The following CNTN4 variants were observed in gnomAD, a reference collection of about 807,000 sequenced individuals.
CNTN4 encodes contactin 4.
In CNTN4, 77 loss-of-function variants were observed where a neutral mutation model predicts 122.5. The observed-to-expected ratio is 0.63, with a 90% CI of 0.52 to 0.76. The LOEUF (loss-of-function observed/expected upper bound fraction) is 0.76, where lower values mean the gene tolerates loss of function less well. Ranked by LOEUF, CNTN4 falls within the 30% of genes least tolerant of loss-of-function variation. CNTN4 has a pLI of 0.00. For missense variants in CNTN4, 1,256 were observed against 1,259.1 expected, an observed-to-expected ratio of 1.00 and a Z score of 0.04; for synonymous variants, 512 against 447.0, an observed-to-expected ratio of 1.15 and a Z score of -1.83.
chr3:2,167,101 A>G (rs182523221), intron 2 of CNTN4, among the ~76,000 whole-genome samples: 8 of 152,332 alleles, frequency 5.3e-5, no homozygotes, highest in Admixed American at 1.3e-4. Flanking sequence ...TTACAATTAA[A>G]GTAGGTAAAT....
intron 3 of CNTN4, among the ~76,000 whole-genome samples, chr3:2,373,819 A>G (rs1266221184): frequency 6.6e-6 from 1 of 152,226 alleles, no homozygotes; most frequent in African/African-American, 2.4e-5. Flanking sequence ...TTTAAAGGTC[A>G]ACCTAATTAA....
intron 3 of CNTN4, among the ~76,000 whole-genome samples, chr3:2,381,297 C>T (rs1414181292): frequency 1.3e-5 from 2 of 152,172 alleles, no homozygotes; most frequent in Non-Finnish European, 2.9e-5. Context: ...TGAGCCACTG[C>T]GCCTGGCCTT....
At chr3:2,661,338 C>T (rs9838109) in intron 4 of CNTN4, among the ~76,000 whole-genome samples, 18,443 of 151,950 alleles carry the variant, frequency 0.12, 1,291 homozygotes, top group South Asian at 0.17. Context: ...TTAAGTTGAC[C>T]CTGTGATTTA....
chr3:2,169,047 T>C (rs1166443467), intron 2 of CNTN4, among the ~76,000 whole-genome samples: 1 of 152,142 alleles, frequency 6.6e-6, no homozygotes, highest in Non-Finnish European at 1.5e-5. Context: ...CTAAAAGTAA[T>C]AGGGAACACT....
chr3:2,908,789 A>G (rs1254626550), intron 12 of CNTN4, among the ~76,000 whole-genome samples: 1 of 152,180 alleles, frequency 6.6e-6, no homozygotes, highest in Non-Finnish European at 1.5e-5. Flanking sequence ...GTATCTGCCC[A>G]GTGGTCTTTT....
chr3:2,756,180 T>C (rs2090329446), intron 6 of CNTN4, among the ~76,000 whole-genome samples: 1 of 152,254 alleles, frequency 6.6e-6, no homozygotes. Flanking sequence ...TGACTAACTA[T>C]AGTGATTTGA....
intron 6 of CNTN4, among the ~76,000 whole-genome samples, chr3:2,786,815 A>G (rs953151257): frequency 2.0e-5 from 3 of 152,198 alleles, no homozygotes; most frequent in Admixed American, 6.5e-5. Flanking sequence ...ATTGAATGGT[A>G]TAGTGACCAC....
chr3:2,623,231 A>ATT lies in CNTN4; in HGVS notation c.55+51685_55+51686dup, dbSNP rs11315990. On this transcript the variant is annotated intron_variant, in intron 4 of 24. Coordinates refer to ENST00000418658, the MANE Select transcript of CNTN4 (RefSeq NM_175607.3). ...CTTGAAAGATCCTTTATGGAGACTA[A>ATT]TTTTTTTTTTTTTCATTTTTATTCT... Among the ~76,000 whole-genome samples the ATT allele has an allele frequency of 8.7e-3, 1,283 of 146,644 alleles. 7 individuals are homozygous for ATT. The highest frequency in any genetic ancestry group is 0.017 in the South Asian group (78 of 4,596).
Position 2,303,204 on chromosome 3 carries a change from A to G in CNTN4, c.-144-35974A>G, listed in dbSNP as rs554860220. The stretch of plus-strand genomic sequence containing the variant: ...CTGTGCACTTGTTTTAAAATAATAC[A>G]GCTTTATTGAGATGAAATTTATATA... On this transcript the variant is annotated intron_variant, in intron 2 of 24. Transcript: ENST00000418658. 1.8e-3 allele frequency among the ~76,000 whole-genome samples: 267 copies of G among 152,318 alleles called. 1 individual carries two copies. Among genetic ancestry groups the G allele is most frequent in the African/African-American group, 6.2e-3 (257 of 41,582 alleles).
chr3:2,523,007 A>G (rs983277841), intron 3 of CNTN4, among the ~76,000 whole-genome samples: 4 of 151,978 alleles, frequency 2.6e-5, no homozygotes, highest in African/African-American at 9.7e-5. Flanking sequence ...TCCTAAATTG[A>G]TCTGGTACAT....
chr3:2,248,946 A>G (rs917752561), intron 2 of CNTN4, among the ~76,000 whole-genome samples: 1 of 151,898 alleles, frequency 6.6e-6, no homozygotes, highest in Non-Finnish European at 1.5e-5. Flanking sequence ...ATTCCCTCGT[A>G]CCCTCCAAAC....
intron 23 of CNTN4, among the ~76,000 whole-genome samples, chr3:3,045,435 C>T (rs1442936228): frequency 6.6e-6 from 1 of 152,186 alleles, no homozygotes; most frequent in Non-Finnish European, 1.5e-5. Context: ...ACAAAACTTC[C>T]AGAGGAACGA....
chr3:2,839,670 G>T (rs767158885), intron 7 of CNTN4, among the ~76,000 whole-genome samples: 5 of 152,182 alleles, frequency 3.3e-5, no homozygotes, highest in Non-Finnish European at 7.4e-5. Context: ...CCCTGAGGAA[G>T]TAAAGAGTAC....
intron 12 of CNTN4, among the ~76,000 whole-genome samples, chr3:2,922,398 A>T (rs1303006127): frequency 2.0e-5 from 3 of 152,112 alleles, no homozygotes; most frequent in Non-Finnish European, 2.9e-5. Context: ...TCATCCTACA[A>T]GCTGAACAGC....
chr3:2,420,571 G>A (rs1391882735), intron 3 of CNTN4, among the ~76,000 whole-genome samples: 1 of 151,974 alleles, frequency 6.6e-6, no homozygotes, highest in Non-Finnish European at 1.5e-5. Flanking sequence ...GAGTAGCTGG[G>A]ACTACAGACA....
intron 4 of CNTN4, among the ~76,000 whole-genome samples, chr3:2,579,569 CTG>C (rs1464961024): frequency 1.3e-5 from 2 of 151,940 alleles, no homozygotes; most frequent in East Asian, 3.9e-4. Context: ...GGCAAAATAA[CTG>C]TATTTACTTC....
chr3:2,816,820 CAAAAAAAAA>C (rs538762827), intron 6 of CNTN4, among the ~76,000 whole-genome samples: 9 of 73,230 alleles, frequency 1.2e-4, no homozygotes, highest in Non-Finnish European at 2.5e-5. Flanking sequence ...ACTCTGTCTC[CAAAAAAAAA>C]AAAAAAAAAA....
chr3:2,910,815 G>A (rs1253407023), intron 12 of CNTN4, among the ~76,000 whole-genome samples: 4 of 152,180 alleles, frequency 2.6e-5, no homozygotes, highest in Non-Finnish European at 5.9e-5. Context: ...ATTTGGTAGT[G>A]GGGGGTGATT....
At chr3:2,769,329 G>A (rs1221364871) in intron 6 of CNTN4, among the ~76,000 whole-genome samples, 1 of 151,980 alleles carries the variant, frequency 6.6e-6, no homozygotes, top group Non-Finnish European at 1.5e-5. Flanking sequence ...GTCGGGCGTG[G>A]TGGCGCACAC....
Sources: gnomAD v4.1 joint callset for allele counts (sites outside exome capture counted in the v4.1 genomes callset) on GRCh38, gnomAD v4.1.1 for gene constraint, MANE v1.5 for transcripts, NCBI Gene and HGNC (gene_info 2026-07-23, HGNC 2026-07-21) for gene names.